The following NLGN1 variants were observed in gnomAD, a reference collection of about 807,000 sequenced individuals.
The protein encoded by NLGN1 is neuroligin 1, also known as neuroligin-1.
Under a neutral mutation model 65.5 loss-of-function variants are expected in NLGN1, and 12 were observed. The observed-to-expected ratio is 0.18, with a 90% CI of 0.12 to 0.30. The LOEUF is 0.30. Ranked by LOEUF, NLGN1 falls within the 10% of genes least tolerant of loss-of-function variation. The probability of loss-of-function intolerance (pLI) is 1.00; values close to 1 mark genes in which losing one functional copy is unlikely to be tolerated. For synonymous variants in NLGN1, 350 were observed against 359.5 expected, an observed-to-expected ratio of 0.97 and a Z score of 0.30; for missense variants, 750 against 1,007.1, an observed-to-expected ratio of 0.74 and a Z score of 3.46.
At chr3:173,456,670 G>T (rs368815303) in intron 2 of NLGN1, among the ~76,000 whole-genome samples, 3 of 152,222 alleles carry the variant, frequency 2.0e-5, no homozygotes, top group South Asian at 4.1e-4. Flanking sequence ...GGAACCAGCA[G>T]GATGTGGAAA....
At chr3:174,160,722 T>C (rs1315522642) in intron 4 of NLGN1, among the ~76,000 whole-genome samples, 1 of 151,220 alleles carries the variant, frequency 6.6e-6, no homozygotes, top group Admixed American at 6.6e-5. Flanking sequence ...TTATAATAGT[T>C]TTATCATATT....
intron 2 of NLGN1, among the ~76,000 whole-genome samples, chr3:173,464,102 C>T (rs781575915): frequency 4.1e-4 from 62 of 152,066 alleles, no homozygotes; most frequent in Non-Finnish European, 7.5e-4. Context: ...GTATATAGGG[C>T]ATTTTGTTAC....
At chr3:174,265,885 T>C (rs1333103250) in intron 4 of NLGN1, among the ~76,000 whole-genome samples, 1 of 144,190 alleles carries the variant, frequency 6.9e-6, no homozygotes, top group East Asian at 2.0e-4. Flanking sequence ...AATATATATA[T>C]ACGTATATAT....
At chr3:173,715,810 A>T (rs989617204) in intron 3 of NLGN1, among the ~76,000 whole-genome samples, 1 of 152,156 alleles carries the variant, frequency 6.6e-6, no homozygotes, top group African/African-American at 2.4e-5. Context: ...GATAGTTTAA[A>T]TTTAAAAATA....
exon 7 of NLGN1, chr3:174,281,418 AAT>A: frequency 2.9e-6 from 2 of 688,338 alleles, no homozygotes; most frequent in Non-Finnish European, 5.0e-6. Context: ...ATATTATGTG[AAT>A]ATACATATCA....
intron 2 of NLGN1, among the ~76,000 whole-genome samples, chr3:173,511,460 T>C (rs1732958484): frequency 1.3e-5 from 2 of 152,174 alleles, no homozygotes. Context: ...TAGACAAAGG[T>C]ATAATGATTT....
At position 173,916,743 on chromosome 3, in the gene NLGN1, G is replaced by A. The variant is rs147973241; in HGVS notation, c.646+108911G>A. ...TTGATCAGACTGGAATATAGGATGC[G>A]TGTTCTAGTTTATCCATAAAGATAC... is the stretch of plus-strand genomic sequence containing the variant. On this transcript the variant is annotated intron_variant, in intron 4 of 6. Transcript: ENST00000457714. Among the ~76,000 whole-genome samples, 498 of 152,222 alleles carry A rather than the reference G, an allele frequency of 3.3e-3. 1 individual carries two copies. The highest frequency in any genetic ancestry group is 0.011 in the African/African-American group (465 of 41,538).
At chr3:174,031,648 TA>T (rs1271360257) in intron 4 of NLGN1, among the ~76,000 whole-genome samples, 2 of 152,140 alleles carry the variant, frequency 1.3e-5, no homozygotes, top group African/African-American at 4.8e-5. Flanking sequence ...AATCAATCAA[TA>T]AAAAATTTTA....
chr3:174,008,656 A>T (rs1724925438), intron 4 of NLGN1, among the ~76,000 whole-genome samples: 1 of 152,072 alleles, frequency 6.6e-6, no homozygotes, highest in South Asian at 2.1e-4. Context: ...TCTACAGCTC[A>T]GACTGTGCTT....
intron 4 of NLGN1, among the ~76,000 whole-genome samples, chr3:174,048,433 T>C (rs1029369632): frequency 1.3e-5 from 2 of 151,860 alleles, no homozygotes; most frequent in Non-Finnish European, 2.9e-5. Context: ...CAAAGAAGGA[T>C]TGGAGAAAGA....
At chr3:173,995,491 C>G (rs1722067128) in intron 4 of NLGN1, among the ~76,000 whole-genome samples, 1 of 152,082 alleles carries the variant, frequency 6.6e-6, no homozygotes, top group African/African-American at 2.4e-5. Flanking sequence ...AAGTGCTGAT[C>G]CTAGTCCAAT....
chr3:173,651,710 A>C lies in NLGN1; in HGVS notation c.493+46619A>C, dbSNP rs118004352. Among the ~76,000 whole-genome samples the C allele has an allele frequency of 9.4e-3, 1,435 of 152,252 alleles. 160 individuals are homozygous for C. In the East Asian group the frequency reaches 0.23, roughly 24 times the overall value. Reference sequence around the variant, plus strand: ...TTTAGTTTGCATATCTCTGATGGTTAGTGATGTTGAGCATTTTTTTTTATG... The same window carrying C: ...TTTAGTTTGCATATCTCTGATGGTTCGTGATGTTGAGCATTTTTTTTTATG... On this transcript the variant is annotated intron_variant, in intron 3 of 6. Coordinates refer to ENST00000457714, the Ensembl canonical transcript of NLGN1.
intron 3 of NLGN1, among the ~76,000 whole-genome samples, chr3:173,676,227 C>A (rs1763153914): frequency 6.6e-6 from 1 of 152,042 alleles, no homozygotes; most frequent in Non-Finnish European, 1.5e-5. Flanking sequence ...TTCTAAACAG[C>A]CAGAGAGCTG....
chr3:173,929,600 G>A (rs1271257434), intron 4 of NLGN1, among the ~76,000 whole-genome samples: 6 of 145,594 alleles, frequency 4.1e-5, no homozygotes, highest in African/African-American at 1.3e-4. Context: ...AAGGAGGAAA[G>A]AAACCAACTT....
At chr3:173,854,461 C>T (rs1023221540) in intron 4 of NLGN1, among the ~76,000 whole-genome samples, 1 of 151,984 alleles carries the variant, frequency 6.6e-6, no homozygotes, top group Admixed American at 6.6e-5. Context: ...TCTCAGCTTT[C>T]TGTGGCTGTG....
chr3:174,146,822 C>T (rs1354399372), intron 4 of NLGN1, among the ~76,000 whole-genome samples: 1 of 152,126 alleles, frequency 6.6e-6, no homozygotes, highest in Non-Finnish European at 1.5e-5. Context: ...CCCGCCTCTG[C>T]CTGCCAAAGT....
At chr3:174,275,243 T>G in intron 4 of NLGN1, 72 bp from the exon 5 acceptor site, 1 of 1,114,284 alleles carries the variant, frequency 9.0e-7, no homozygotes, top group Non-Finnish European at 1.4e-6. Context: ...ACAGGCTTCA[T>G]TTGTGTTTAA....
chr3:174,242,404 CA>C, intron 4 of NLGN1, among the ~76,000 whole-genome samples: 1 of 152,022 alleles, frequency 6.6e-6, no homozygotes, highest in African/African-American at 2.4e-5. Context: ...AAAACAAAAA[CA>C]AAAAATCAGG....
intron 4 of NLGN1, among the ~76,000 whole-genome samples, chr3:174,154,980 TTATATTATATATTATATATATTTA>T (rs1465407710): frequency 4.7e-4 from 58 of 122,202 alleles, no homozygotes; most frequent in East Asian, 3.9e-3. Context: ...ATATAATATA[TTATATTATATATTATATATATTTA>T]TATATTGATA....
Sources: gnomAD v4.1 joint callset for allele counts (sites outside exome capture counted in the v4.1 genomes callset) on GRCh38, gnomAD v4.1.1 for gene constraint, MANE v1.5 for transcripts, NCBI Gene and HGNC (gene_info 2026-07-23, HGNC 2026-07-21) for gene names.